Variants in IKZF2 observed in about 807,000 individuals in gnomAD.
IKZF2 encodes the protein zinc finger protein Helios.
IKZF2 carries 15 observed loss-of-function variants against 49.2 expected under a neutral mutation model. That is an observed-to-expected ratio of 0.30 (90% CI 0.20 to 0.47). IKZF2 has a LOEUF of 0.47. Among genes scored for constraint, IKZF2 ranks in the 20% least tolerant of loss-of-function variants. The pLI is 1.00. For synonymous variants in IKZF2, 227 were observed against 221.4 expected, an observed-to-expected ratio of 1.03 and a Z score of -0.23; for missense variants, 567 against 664.6, an observed-to-expected ratio of 0.85 and a Z score of 1.61.
At chr2:213,086,397 A>G (rs1704603085) in intron 4 of IKZF2, among the ~76,000 whole-genome samples, 1 of 152,192 alleles carries the variant, frequency 6.6e-6, no homozygotes, top group Non-Finnish European at 1.5e-5. Flanking sequence ...AACAATGCAA[A>G]ATAATATATG....
intron 4 of IKZF2, among the ~76,000 whole-genome samples, chr2:213,072,298 T>TG (rs1174759403): frequency 6.8e-6 from 1 of 148,086 alleles, no homozygotes; most frequent in Non-Finnish European, 1.5e-5. Context: ...TTTCCTTTGT[T>TG]TTTTTTTTTT....
intron 4 of IKZF2, among the ~76,000 whole-genome samples, chr2:213,080,063 A>C (rs1014619816): frequency 1.3e-5 from 2 of 152,176 alleles, no homozygotes; most frequent in Non-Finnish European, 2.9e-5. Flanking sequence ...CAGTTCCCAC[A>C]ACTTACAACT....
upstream of IKZF2, among the ~76,000 whole-genome samples, chr2:213,151,886 T>A (rs2061293861): frequency 6.6e-6 from 1 of 150,562 alleles, no homozygotes; most frequent in Non-Finnish European, 1.5e-5. Flanking sequence ...CGGGCGCGTG[T>A]GCGCGTGTCT....
chr2:213,037,896 C>T (rs191603960), intron 6 of IKZF2, among the ~76,000 whole-genome samples: 1 of 152,158 alleles, frequency 6.6e-6, no homozygotes, highest in East Asian at 1.9e-4. Context: ...ATAGTTCCTT[C>T]TCATGAGAAG....
intron 6 of IKZF2, among the ~76,000 whole-genome samples, chr2:213,033,366 C>T (rs1290571421): frequency 6.6e-6 from 1 of 152,222 alleles, no homozygotes; most frequent in Non-Finnish European, 1.5e-5. Flanking sequence ...TTCTCAATGA[C>T]ATCTAGAATT....
chr2:213,114,482 T>C (rs1172225946), intron 4 of IKZF2, among the ~76,000 whole-genome samples: 4 of 152,174 alleles, frequency 2.6e-5, no homozygotes, highest in Non-Finnish European at 2.9e-5. Context: ...TGTATGACAC[T>C]GAATGAACCA....
chr2:213,069,463 A>G (rs983323123), intron 4 of IKZF2, among the ~76,000 whole-genome samples: 22 of 152,130 alleles, frequency 1.4e-4, no homozygotes, highest in African/African-American at 5.3e-4. Flanking sequence ...CTCATCTTCC[A>G]AAGCCCACTG....
intron 8 of IKZF2, among the ~76,000 whole-genome samples, chr2:213,008,603 G>A (rs1695613152): frequency 6.6e-6 from 1 of 151,982 alleles, no homozygotes; most frequent in Non-Finnish European, 1.5e-5. Context: ...TTGTTCTGAT[G>A]CCATCATGAG....
chr2:213,036,957 A>G (rs1020891400), intron 6 of IKZF2, among the ~76,000 whole-genome samples: 37 of 152,176 alleles, frequency 2.4e-4, no homozygotes, highest in Non-Finnish European at 4.6e-4. Context: ...ACACACACAC[A>G]CACAAGTCCC....
chr2:213,025,170 A>T (rs1020282139), intron 6 of IKZF2, among the ~76,000 whole-genome samples: 29 of 152,198 alleles, frequency 1.9e-4, no homozygotes, highest in African/African-American at 7.0e-4. Context: ...AGCGTCTGAG[A>T]TCAGATCCTA....
At chr2:213,085,711 C>T (rs73077254) in intron 4 of IKZF2, among the ~76,000 whole-genome samples, 2,168 of 152,276 alleles carry the variant, frequency 0.014, 38 homozygotes, top group African/African-American at 0.045. Context: ...AAGGAGGCAA[C>T]ACGATGTTGG....
chr2:213,094,259 T>C (rs1705697459), intron 4 of IKZF2, among the ~76,000 whole-genome samples: 1 of 152,114 alleles, frequency 6.6e-6, no homozygotes, highest in Admixed American at 6.6e-5. Flanking sequence ...GAAGGATAAG[T>C]AGCTAGAGGT....
At chr2:213,095,766 A>T (rs1705904108) in intron 4 of IKZF2, among the ~76,000 whole-genome samples, 1 of 152,084 alleles carries the variant, frequency 6.6e-6, no homozygotes, top group South Asian at 2.1e-4. Flanking sequence ...CTATTTCACT[A>T]GAACTAAAGA....
intron 4 of IKZF2, among the ~76,000 whole-genome samples, chr2:213,079,200 G>A (rs1703621340): frequency 6.6e-6 from 1 of 151,854 alleles, no homozygotes; most frequent in Non-Finnish European, 1.5e-5. Flanking sequence ...GCAACATAGT[G>A]GGATCCCATC....
At chr2:213,017,229 C>T (rs772252362) in intron 7 of IKZF2, among the ~76,000 whole-genome samples, 4 of 151,962 alleles carry the variant, frequency 2.6e-5, no homozygotes, top group Admixed American at 6.6e-5. Context: ...TGTACTTATC[C>T]GTATTGCCTT....
chr2:213,051,691 T>C (rs73087364), intron 5 of IKZF2, among the ~76,000 whole-genome samples: 1,704 of 151,972 alleles, frequency 0.011, 32 homozygotes, highest in African/African-American at 0.039. Context: ...ACCCCTGCCA[T>C]AGTAATAAAA....
At chr2:213,077,026 A>C (rs926091477) in intron 4 of IKZF2, among the ~76,000 whole-genome samples, 3 of 152,236 alleles carry the variant, frequency 2.0e-5, no homozygotes, top group Non-Finnish European at 4.4e-5. Context: ...ATTGTTACAC[A>C]CAGGTACAAG....
At chr2:213,086,714 G>A (rs1215970638) in intron 4 of IKZF2, among the ~76,000 whole-genome samples, 3 of 152,132 alleles carry the variant, frequency 2.0e-5, no homozygotes, top group Non-Finnish European at 2.9e-5. Context: ...GCAGCCCTTG[G>A]CTGTGCTCAA....
At chr2:213,008,201 T>A in intron 8 of IKZF2, 117 bp from the exon 9 acceptor site, 1 of 1,212,668 alleles carries the variant, frequency 8.2e-7, no homozygotes, top group Non-Finnish European at 1.1e-6. Context: ...TTTTTCATAA[T>A]TTGGTATATA....
Sources: gnomAD v4.1 joint callset for allele counts (sites outside exome capture counted in the v4.1 genomes callset) on GRCh38, gnomAD v4.1.1 for gene constraint, MANE v1.5 for transcripts, NCBI Gene and HGNC (gene_info 2026-07-23, HGNC 2026-07-21) for gene names.